The following TMLHE variants were observed in gnomAD, a reference collection of about 807,000 sequenced individuals.
TMLHE encodes the protein trimethyllysine hydroxylase, epsilon.
TMLHE carries 18 observed loss-of-function variants against 25.7 expected under a neutral mutation model. The ratio of observed to expected loss-of-function variants is 0.70; its 90% CI spans 0.48 to 1.04. TMLHE has a LOEUF of 1.04. Ranked by LOEUF, TMLHE falls within the 50% of genes least tolerant of loss-of-function variation. TMLHE has a pLI of 0.00. For missense variants in TMLHE, 236 were observed against 259.0 expected, an observed-to-expected ratio of 0.91 and a Z score of 0.61; for synonymous variants, 105 against 97.0, an observed-to-expected ratio of 1.08 and a Z score of -0.49.
chrX:155,541,355 T>A (rs1557338163), intron 2 of TMLHE, among the ~76,000 whole-genome samples: 1 of 111,475 alleles, frequency 9.0e-6, no homozygotes, highest in Non-Finnish European at 1.9e-5. Flanking sequence ...GTCATCCATG[T>A]CCCTGCAAAG....
chrX:155,558,854 C>A (rs782658886), intron 1 of TMLHE, among the ~76,000 whole-genome samples: 1 of 111,685 alleles, frequency 9.0e-6, no homozygotes, highest in East Asian at 2.8e-4. Flanking sequence ...TTCATTCATT[C>A]ATTTAAGATA....
intron 1 of TMLHE, among the ~76,000 whole-genome samples, chrX:155,591,789 G>A (rs1207307824): frequency 2.7e-5 from 3 of 111,162 alleles, no homozygotes; most frequent in African/African-American, 9.8e-5. Flanking sequence ...ACATTGTAAT[G>A]GTTCCTAAAA....
At chrX:155,558,427 G>A (rs2067473012) in intron 1 of TMLHE, among the ~76,000 whole-genome samples, 1 of 111,504 alleles carries the variant, frequency 9.0e-6, no homozygotes, top group Non-Finnish European at 1.9e-5. Flanking sequence ...ATGTTTATAT[G>A]TCTTTCCCCC....
intron 1 of TMLHE, among the ~76,000 whole-genome samples, chrX:155,554,040 T>C (rs2067432643): frequency 9.1e-6 from 1 of 109,538 alleles, no homozygotes; most frequent in South Asian, 3.9e-4. Context: ...AGAGCCTCGC[T>C]CTGTCACCCA....
intron 1 of TMLHE, among the ~76,000 whole-genome samples, chrX:155,585,408 CACACACAA>C (rs1396390267): frequency 2.0e-5 from 1 of 51,071 alleles, no homozygotes; most frequent in South Asian, 1.9e-3. Flanking sequence ...AAATTATACA[CACACACAA>C]ACACACACAC....
intron 1 of TMLHE, among the ~76,000 whole-genome samples, chrX:155,594,927 T>C (rs1287081145): frequency 2.2e-4 from 25 of 111,588 alleles, no homozygotes; most frequent in African/African-American, 8.1e-4. Context: ...TTTCAACATA[T>C]TTGAAAAATT....
At chrX:155,526,661 C>T (rs1232136855) in intron 2 of TMLHE, among the ~76,000 whole-genome samples, 1 of 112,522 alleles carries the variant, frequency 8.9e-6, no homozygotes, top group Admixed American at 9.3e-5. Context: ...AAGCCACAGC[C>T]ACTCAATGCC....
At chrX:155,548,718 G>A (rs1042622021) in intron 1 of TMLHE, among the ~76,000 whole-genome samples, 2 of 104,726 alleles carry the variant, frequency 1.9e-5, no homozygotes, top group Admixed American at 1.0e-4. Flanking sequence ...CTGGGCGACA[G>A]AGTGAGACTC....
At chrX:155,506,608 G>A (rs1557332697) in intron 6 of TMLHE, among the ~76,000 whole-genome samples, 1 of 111,345 alleles carries the variant, frequency 9.0e-6, no homozygotes, top group Non-Finnish European at 1.9e-5. Context: ...TAGCTGTTTG[G>A]TCACTGAGGA....
chrX:155,564,013 A>G (rs1557342015), intron 1 of TMLHE, among the ~76,000 whole-genome samples: 2 of 61,551 alleles, frequency 3.2e-5, no homozygotes, highest in African/African-American at 7.2e-5. Context: ...AATTAAAAGA[A>G]TGTTCCTTTT....
chrX:155,547,944 T>G (rs1286889011), intron 1 of TMLHE, among the ~76,000 whole-genome samples: 1 of 111,008 alleles, frequency 9.0e-6, no homozygotes, highest in Non-Finnish European at 1.9e-5. Context: ...TAAAGAATGG[T>G]AGAAAACAAA....
At chrX:155,602,684 C>T (rs186805692) in intron 1 of TMLHE, among the ~76,000 whole-genome samples, 1 of 111,237 alleles carries the variant, frequency 9.0e-6, no homozygotes, top group East Asian at 2.8e-4. Flanking sequence ...CACACATACA[C>T]ATGGACACAC....
chrX:155,576,022 A>T (rs782423428), intron 1 of TMLHE, among the ~76,000 whole-genome samples: 1 of 111,886 alleles, frequency 8.9e-6, no homozygotes, highest in Non-Finnish European at 1.9e-5. Flanking sequence ...AGTAAGAGAT[A>T]AAAGGCATCC....
At chrX:155,576,968 G>T (rs1557343854) in intron 1 of TMLHE, among the ~76,000 whole-genome samples, 1 of 111,736 alleles carries the variant, frequency 8.9e-6, no homozygotes, top group African/African-American at 3.3e-5. Flanking sequence ...TCATAACGAA[G>T]ATATCAAAAG....
intron 1 of TMLHE, among the ~76,000 whole-genome samples, chrX:155,583,147 G>T (rs1308901417): frequency 1.8e-5 from 2 of 110,722 alleles, no homozygotes; most frequent in Non-Finnish European, 3.8e-5. Flanking sequence ...ACAGGGTGGG[G>T]AACATCACAC....
intron 1 of TMLHE, among the ~76,000 whole-genome samples, chrX:155,606,673 G>T (rs1448608168): frequency 1.8e-5 from 2 of 109,558 alleles, no homozygotes; most frequent in Non-Finnish European, 3.8e-5. Flanking sequence ...CAATGAGGCT[G>T]GTTCCTTGAA....
chrX:155,546,069 G>A (rs782353760), intron 1 of TMLHE, among the ~76,000 whole-genome samples: 2 of 110,236 alleles, frequency 1.8e-5, no homozygotes, highest in Non-Finnish European at 3.8e-5. Context: ...TGTGTGCTGT[G>A]GGCAAGTTAC....
intron 1 of TMLHE, among the ~76,000 whole-genome samples, chrX:155,584,090 C>A (rs2067649489): frequency 9.1e-6 from 1 of 109,989 alleles, no homozygotes; most frequent in Admixed American, 9.7e-5. Context: ...AATGAGAAAT[C>A]TGAAAAACAA....
At chrX:155,525,012 G>T (rs782677806) in intron 2 of TMLHE, among the ~76,000 whole-genome samples, 2 of 111,936 alleles carry the variant, frequency 1.8e-5, no homozygotes, top group Non-Finnish European at 3.8e-5. Flanking sequence ...TTGTCACAAG[G>T]TTATCAAGAT....
Sources: allele counts gnomAD v4.1 joint callset (sites outside exome capture counted in the v4.1 genomes callset), GRCh38; gene constraint gnomAD v4.1.1; transcripts MANE v1.5; gene names NCBI Gene and HGNC (gene_info 2026-07-23, HGNC 2026-07-21).